Variants in MACROD2 observed in about 807,000 individuals in gnomAD.
MACROD2 encodes the protein mono-ADP ribosylhydrolase 2, also known as ADP-ribose glycohydrolase MACROD2.
A neutral mutation model predicts 70.4 loss-of-function variants in MACROD2; 36 were observed. The ratio of observed to expected loss-of-function variants is 0.51; its 90% CI spans 0.39 to 0.68. MACROD2 has a LOEUF of 0.68. Among genes scored for constraint, MACROD2 ranks in the 30% least tolerant of loss-of-function variants. The probability of loss-of-function intolerance (pLI) is 0.00; values close to 1 mark genes in which losing one functional copy is unlikely to be tolerated. For missense variants in MACROD2, 496 were observed against 538.4 expected (o/e 0.92, Z 0.78); for synonymous variants, 172 against 178.8 (o/e 0.96, Z 0.30).
At chr20:14,455,384 C>A (rs1017936884) in intron 3 of MACROD2, among the ~76,000 whole-genome samples, 7 of 151,856 alleles carry the variant, frequency 4.6e-5, no homozygotes, top group Admixed American at 1.3e-4. Context: ...CTGAAACCTA[C>A]TGAAGTGAAA....
chr20:15,605,911 A>T (rs1447821052), intron 8 of MACROD2, among the ~76,000 whole-genome samples: 4 of 152,180 alleles, frequency 2.6e-5, no homozygotes, highest in Non-Finnish European at 1.5e-5. Context: ...GTAAATCACG[A>T]TGCTTGCTGG....
intron 2 of MACROD2, among the ~76,000 whole-genome samples, chr20:14,028,734 G>A (rs6514462): frequency 0.053 from 8,043 of 152,094 alleles, 283 homozygotes; most frequent in Non-Finnish European, 0.078. Flanking sequence ...GCTTCTGCTC[G>A]CCCTCCCTCT....
intron 5 of MACROD2, among the ~76,000 whole-genome samples, chr20:15,170,649 A>G (rs2145887494): frequency 6.6e-6 from 1 of 152,260 alleles, no homozygotes; most frequent in South Asian, 2.1e-4. Flanking sequence ...GCTCCCACAG[A>G]TTCATACTCT....
chr20:15,240,940 C>A (rs928097984), intron 6 of MACROD2, among the ~76,000 whole-genome samples: 1 of 152,178 alleles, frequency 6.6e-6, no homozygotes, highest in African/African-American at 2.4e-5. Context: ...TCTTTCCAAC[C>A]TCCAGAACTG....
intron 3 of MACROD2, among the ~76,000 whole-genome samples, chr20:14,137,842 C>T (rs1215096731): frequency 6.6e-6 from 1 of 152,022 alleles, no homozygotes; most frequent in Admixed American, 6.6e-5. Flanking sequence ...GAAAAGGCAA[C>T]CTATGGATTG....
intron 6 of MACROD2, among the ~76,000 whole-genome samples, chr20:15,334,831 A>C (rs1209452012): frequency 6.6e-6 from 1 of 151,730 alleles, no homozygotes; most frequent in African/African-American, 2.4e-5. Context: ...TAAACATTTA[A>C]ACCTCGATTA....
At chr20:15,707,044 A>T (rs1341190313) in intron 8 of MACROD2, among the ~76,000 whole-genome samples, 1 of 152,214 alleles carries the variant, frequency 6.6e-6, no homozygotes, top group African/African-American at 2.4e-5. Context: ...ATAAAAAGTC[A>T]TGGTTCTTCT....
intron 8 of MACROD2, among the ~76,000 whole-genome samples, chr20:15,508,865 G>C (rs972298600): frequency 1.1e-4 from 16 of 152,214 alleles, no homozygotes; most frequent in African/African-American, 3.9e-4. Context: ...TTTGAGGGCA[G>C]TTGGCAAGAG....
intron 3 of MACROD2, among the ~76,000 whole-genome samples, chr20:14,374,670 A>C (rs1428678147): frequency 1.3e-5 from 2 of 152,174 alleles, no homozygotes; most frequent in Non-Finnish European, 1.5e-5. Context: ...TTGTAATATC[A>C]GATGCATATT....
intron 5 of MACROD2, among the ~76,000 whole-genome samples, chr20:15,048,292 CACAA>C (rs1404698893): frequency 2.6e-5 from 4 of 151,960 alleles, no homozygotes; most frequent in African/African-American, 9.7e-5. Flanking sequence ...AAAACAAACA[CACAA>C]ACAAACAAAG....
chr20:15,649,696 T>A (rs1265959996), intron 8 of MACROD2, among the ~76,000 whole-genome samples: 2 of 152,196 alleles, frequency 1.3e-5, no homozygotes, highest in Non-Finnish European at 2.9e-5. Flanking sequence ...ACCACTCTGA[T>A]TGGCTTAGAC....
intron 6 of MACROD2, among the ~76,000 whole-genome samples, chr20:15,397,996 A>T (rs896437688): frequency 3.3e-5 from 5 of 152,228 alleles, no homozygotes; most frequent in Non-Finnish European, 7.3e-5. Flanking sequence ...CGCAGAACAC[A>T]GATAGCTCTT....
At chr20:14,756,920 T>C (rs1256884335) in intron 5 of MACROD2, among the ~76,000 whole-genome samples, 2 of 152,062 alleles carry the variant, frequency 1.3e-5, no homozygotes, top group Non-Finnish European at 2.9e-5. Flanking sequence ...TTGGCTCTTT[T>C]CTCATTCTTC....
At chr20:14,988,216 T>G (rs2074866297) in intron 5 of MACROD2, among the ~76,000 whole-genome samples, 1 of 151,794 alleles carries the variant, frequency 6.6e-6, no homozygotes, top group Admixed American at 6.6e-5. Flanking sequence ...ATACAAAAAC[T>G]AGCAGGGCGA....
intron 5 of MACROD2, among the ~76,000 whole-genome samples, chr20:15,110,152 G>A (rs1340317442): frequency 1.3e-5 from 2 of 152,164 alleles, no homozygotes; most frequent in Admixed American, 1.3e-4. Context: ...AGGGAGTAAT[G>A]TGTGTGCCCT....
chr20:15,649,444 C>T (rs2049611256), intron 8 of MACROD2, among the ~76,000 whole-genome samples: 1 of 152,012 alleles, frequency 6.6e-6, no homozygotes, highest in Admixed American at 6.6e-5. Context: ...GTTCCAGAGT[C>T]GTGAATTATG....
chr20:15,240,104 T>G (rs2077048375), intron 6 of MACROD2, among the ~76,000 whole-genome samples: 1 of 152,200 alleles, frequency 6.6e-6, no homozygotes, highest in Non-Finnish European at 1.5e-5. Context: ...GGAGGATAAT[T>G]TGAGGATAAC....
In MACROD2 at chr20:15,670,746, A is replaced by G. The variant is rs138625578; in HGVS notation, c.645+170899A>G. Among the ~76,000 whole-genome samples the G allele has an allele frequency of 8.7e-3, 1,326 of 152,302 alleles. 16 individuals carry two copies. The highest frequency in any genetic ancestry group is 0.025 in the African/African-American group (1,032 of 41,570). The stretch of plus-strand genomic sequence containing the variant: ...CTTTTTAGTCAATATATTGAATATC[A>G]TATTCATATATATCATATCAACATC... On this transcript the variant is annotated intron_variant, in intron 8 of 17. Coordinates refer to ENST00000684519, the MANE Select transcript of MACROD2 (RefSeq NM_001351661.2).
chr20:15,012,825 A>G (rs538759089), intron 5 of MACROD2, among the ~76,000 whole-genome samples: 3 of 152,136 alleles, frequency 2.0e-5, no homozygotes, highest in Non-Finnish European at 4.4e-5. Context: ...CCAGTCTCAG[A>G]AGCACAATTG....
Sources: gnomAD v4.1 joint callset for allele counts (sites outside exome capture counted in the v4.1 genomes callset) on GRCh38, gnomAD v4.1.1 for gene constraint, MANE v1.5 for transcripts, NCBI Gene and HGNC (gene_info 2026-07-23, HGNC 2026-07-21) for gene names.